Variants in MAN2B2 observed in about 807,000 individuals in gnomAD.
The protein encoded by MAN2B2 is epididymis-specific alpha-mannosidase.
A neutral mutation model predicts 117.1 loss-of-function variants in MAN2B2; 106 were observed. The observed-to-expected ratio is 0.90, with a 90% CI of 0.77 to 1.06. The LOEUF (loss-of-function observed/expected upper bound fraction) is 1.06. MAN2B2 is among the 50% of genes least tolerant of loss of function. The pLI, the probability that MAN2B2 is intolerant of heterozygous loss-of-function variation, is 0.00. For synonymous variants in MAN2B2, 544 were observed against 595.1 expected, an observed-to-expected ratio of 0.91 and a Z score of 1.25; for missense variants, 1,326 against 1,381.4, an observed-to-expected ratio of 0.96 and a Z score of 0.64.
chr4:6,607,223 T>A lies in MAN2B2; in HGVS notation c.1815-1884T>A, dbSNP rs578119117. ...CCTTTTTATTGATTGATTGATTGAT[T>A]GAGAGAGTCTCACTCTGTAATCTAG... On this transcript the variant is annotated intron_variant, in intron 11 of 18. Transcript: ENST00000285599. 1.1e-4 allele frequency among the ~76,000 whole-genome samples: 16 copies of A among 152,312 alleles called. No individual in the cohort carries two copies. In the East Asian group the frequency reaches 2.3e-3, roughly 22 times the overall value.
At position 6,593,115 on chromosome 4, in the gene MAN2B2, G is replaced by A. The variant is rs1167125813; in HGVS notation, c.681-58G>A. The A allele has an allele frequency of 2.4e-5, 38 of 1,563,132 alleles. 1 individual carries two copies. The Middle Eastern group carries it at 6.7e-4, about 28-fold the overall frequency. On this transcript the variant is annotated intron_variant, in intron 5 of 18. Coordinates refer to ENST00000285599, the MANE Select transcript of MAN2B2 (RefSeq NM_015274.3). Reference sequence around the variant, plus strand: ...CTGGGAGAACATGGCACTTGGGTGTGAGCCCTGGCTGTCCACAGAGTTCGT... The same window carrying A: ...CTGGGAGAACATGGCACTTGGGTGTAAGCCCTGGCTGTCCACAGAGTTCGT...
At chr4:6,616,488 G>A (rs982593302) in intron 16 of MAN2B2, among the ~76,000 whole-genome samples, 10 of 152,176 alleles carry the variant, frequency 6.6e-5, no homozygotes, top group African/African-American at 2.4e-4. Context: ...ATCCAGTGGG[G>A]TTAGCAGGAA....
At chr4:6,582,067 C>T (rs1044477706) in intron 3 of MAN2B2, among the ~76,000 whole-genome samples, 16 of 152,124 alleles carry the variant, frequency 1.1e-4, no homozygotes, top group Middle Eastern at 3.4e-3. Flanking sequence ...GAAAGAACCC[C>T]TCACCCCTAT....
rs1368135439 is a variant in MAN2B2 at position 6,610,881 on chromosome 4, ATT to A, written c.2262_2263del (p.Asn754LysfsTer155). On this transcript the variant is annotated frameshift_variant and splice_region_variant, in exon 14 of 19. Coordinates refer to ENST00000285599, the MANE Select transcript of MAN2B2 (RefSeq NM_015274.3). LOFTEE classifies it high-confidence loss of function. The stretch of plus-strand genomic sequence containing the variant: ...ACCTGGCGATGTTTCTGTCTGCAGA[ATT>A]ACTACCCCATGGTTCAGTCGGCCTT... The A allele has an allele frequency of 6.2e-7, 1 of 1,614,050 alleles. No homozygotes were observed. The highest frequency in any genetic ancestry group is 1.3e-5 in the African/African-American group (1 of 74,932).
chr4:6,580,237 C>G (rs1726375140), intron 3 of MAN2B2, among the ~76,000 whole-genome samples: 1 of 152,200 alleles, frequency 6.6e-6, no homozygotes, highest in South Asian at 2.1e-4. Flanking sequence ...ACAGACAGAG[C>G]TCCTCCTGTG....
intron 11 of MAN2B2, among the ~76,000 whole-genome samples, chr4:6,606,515 C>A (rs1727552851): frequency 6.6e-6 from 1 of 152,222 alleles, no homozygotes; most frequent in Non-Finnish European, 1.5e-5. Flanking sequence ...CTGTACATGC[C>A]CCTTAGGGCA....
At chr4:6,593,939 G>A (rs988707650) in intron 6 of MAN2B2, among the ~76,000 whole-genome samples, 1 of 152,236 alleles carries the variant, frequency 6.6e-6, no homozygotes, top group Non-Finnish European at 1.5e-5. Flanking sequence ...TCCTTAGGGT[G>A]GCTAGGAAGG....
Position 6,575,275 on chromosome 4 carries a change from A to G in MAN2B2, c.65A>G (p.Gln22Arg). Residue 22 changes from glutamine (Q) to arginine (R), a missense_variant, in exon 1 of 19, where the codon CAG becomes CGG. Coordinates refer to ENST00000285599, the MANE Select transcript of MAN2B2 (RefSeq NM_015274.3). ...CTGTTGCTGCGACCGCCAGGGGTCCAGTCCGCCGGCCCCATCCGGGCCTTC... is the reference window on the plus strand; with the variant it reads ...CTGTTGCTGCGACCGCCAGGGGTCCGGTCCGCCGGCCCCATCCGGGCCTTC... ...PLLLLRPPGV[Q>R]SAGPIRAFVV... 1.3e-6 allele frequency: 2 copies of G among 1,557,132 alleles called. No individual in the cohort carries two copies. The highest frequency in any genetic ancestry group is 1.7e-6 in the Non-Finnish European group (2 of 1,156,924).
In MAN2B2 at chr4:6,609,294, T is replaced by C. The variant is rs1375022531; in HGVS notation, c.2002T>C (p.Tyr668His). 6 of 1,613,454 alleles carry C rather than the reference T, an allele frequency of 3.7e-6. No individual in the cohort carries two copies. The highest frequency in any genetic ancestry group is 2.2e-5 in the East Asian group (1 of 44,884). The change falls in exon 12 of 19, where the codon TAC becomes CAC. Residue 668 changes from tyrosine (Y) to histidine (H), a missense_variant. By Grantham distance (83) the Tyr-to-His change is moderately conservative (BLOSUM62 2). Coordinates refer to ENST00000285599, the MANE Select transcript of MAN2B2 (RefSeq NM_015274.3). Reference sequence around the variant, plus strand: ...TGTGACTGAGATCCGGCAGTACTTCTACAGGTGCTTCCCCTGGGGTGACCC... The same window carrying C: ...TGTGACTGAGATCCGGCAGTACTTCCACAGGTGCTTCCCCTGGGGTGACCC... ...QLVTEIRQYF[Y>H]RNMTAQNYTY...
At chr4:6,578,303 C>T (rs1334097635) in intron 2 of MAN2B2, 90 bp from the exon 3 acceptor site, 9 of 899,848 alleles carry the variant, frequency 1.0e-5, no homozygotes, top group East Asian at 5.3e-5. Flanking sequence ...TTATGCAGGG[C>T]GTGTGTGGCG....
chr4:6,615,478 A>T (rs12512980), intron 16 of MAN2B2, among the ~76,000 whole-genome samples: 33,476 of 151,860 alleles, frequency 0.22, 4,001 homozygotes, highest in East Asian at 0.44. Context: ...TCTGAAAACC[A>T]GCTACCCCAT....
At position 6,621,258 on chromosome 4, in the gene MAN2B2, G is replaced by A. The variant is rs943658009; in HGVS notation, c.3003G>A (p.Thr1001=). 4 of 1,614,090 alleles carry A rather than the reference G, an allele frequency of 2.5e-6. No individual in the cohort carries two copies. Among genetic ancestry groups the A allele is most frequent in the Non-Finnish European group, 3.4e-6 (4 of 1,180,000 alleles). ...CCGTCCACCCAAAGGAAATCCGGAC[G>A]TTCTTTATTCACTTTCAACAGCAGT... ...IITVHPKEIR[T]FFIHFQQQ Residue 1001 remains threonine, a synonymous_variant, in exon 19 of 19, where the codon ACG becomes ACA. Coordinates refer to ENST00000285599, the MANE Select transcript of MAN2B2 (RefSeq NM_015274.3).
chr4:6,621,222 C>A lies in MAN2B2; in HGVS notation c.2967C>A (p.Gly989=). 3.7e-6 allele frequency: 6 copies of A among 1,614,056 alleles called. No homozygotes were observed. The highest frequency in any genetic ancestry group is 5.1e-6 in the Non-Finnish European group (6 of 1,179,968). ...CCTCTCCCTCGAGGCCACCAGGAGG[C>A]CCCATCATCACCGTCCACCCAAAGG... ...DTTSPSRPPG[G]PIITVHPKEI... is the part of the protein sequence containing the mutation. Residue 989 remains glycine, a synonymous_variant, in exon 19 of 19, where the codon GGC becomes GGA. Transcript: ENST00000285599.
chr4:6,581,786 GC>G (rs1343104957), intron 3 of MAN2B2, among the ~76,000 whole-genome samples: 1 of 151,422 alleles, frequency 6.6e-6, no homozygotes, highest in Non-Finnish European at 1.5e-5. Flanking sequence ...GCCCGCCAGG[GC>G]CTGGGGCACT....
intron 11 of MAN2B2, among the ~76,000 whole-genome samples, chr4:6,607,716 C>A (rs1164695099): frequency 6.6e-6 from 1 of 152,172 alleles, no homozygotes. Context: ...TTTGTGTGGA[C>A]ATACATTTTC....
intron 8 of MAN2B2, among the ~76,000 whole-genome samples, 192 bp downstream of exon 8, chr4:6,597,495 T>C (rs1727149862): frequency 6.6e-6 from 1 of 152,240 alleles, no homozygotes; most frequent in South Asian, 2.1e-4. Context: ...CACAGCCTGA[T>C]CCATCCAGCT....
chr4:6,576,832 C>T, intron 2 of MAN2B2, 108 bp downstream of exon 2: 2 of 1,345,978 alleles, frequency 1.5e-6, no homozygotes, highest in Non-Finnish European at 2.1e-6. Context: ...CTGGCATAAA[C>T]CACAGGGCCA....
intron 4 of MAN2B2, 144 bp downstream of exon 4, chr4:6,587,312 A>T: frequency 1.0e-6 from 1 of 1,002,010 alleles, no homozygotes; most frequent in Non-Finnish European, 1.4e-6. Context: ...CTGTCCCCTA[A>T]CCTTTGCTCT....
chr4:6,592,981 G>A (rs769657482), intron 5 of MAN2B2, among the ~76,000 whole-genome samples, 192 bp from the exon 6 acceptor site: 3 of 152,208 alleles, frequency 2.0e-5, no homozygotes, highest in Non-Finnish European at 2.9e-5. Flanking sequence ...GGGGTCTGAT[G>A]GGCGAGAAGT....
Sources: allele counts gnomAD v4.1 joint callset (sites outside exome capture counted in the v4.1 genomes callset), GRCh38; gene constraint gnomAD v4.1.1; transcripts MANE v1.5; gene names NCBI Gene and HGNC (gene_info 2026-07-23, HGNC 2026-07-21).